CLNS1A: variants seen among roughly 807,000 people sequenced by gnomAD.
CLNS1A encodes the protein methylosome subunit pICln.
A neutral mutation model predicts 29.4 loss-of-function variants in CLNS1A; 16 were observed. The observed-to-expected ratio is 0.54, with a 90% CI of 0.37 to 0.83. The LOEUF is 0.83. Among genes scored for constraint, CLNS1A ranks in the 40% least tolerant of loss-of-function variants. The pLI, the probability that CLNS1A is intolerant of heterozygous loss-of-function variation, is 0.00. For missense variants in CLNS1A, 235 were observed against 287.4 expected (o/e 0.82, Z 1.32); for synonymous variants, 96 against 104.8 (o/e 0.92, Z 0.51).
intron 6 of CLNS1A, among the ~76,000 whole-genome samples, chr11:77,617,309 C>T (rs111536183): frequency 3.0e-5 from 4 of 132,306 alleles, no homozygotes; most frequent in African/African-American, 1.2e-4. Flanking sequence ...GCGGAGGATT[C>T]GGTGAGCCGA....
intron 5 of CLNS1A, among the ~76,000 whole-genome samples, chr11:77,621,067 C>T (rs1460062548): frequency 2.0e-5 from 3 of 151,476 alleles, no homozygotes; most frequent in Middle Eastern, 3.5e-3. Context: ...GAGGCTGAGG[C>T]GGGCGGATCA....
chr11:77,625,104 T>A, intron 3 of CLNS1A, 34 bp from the exon 4 acceptor site: 1 of 1,477,854 alleles, frequency 6.8e-7, no homozygotes, highest in East Asian at 2.3e-5. Context: ...ACCAATCTTT[T>A]TTTGTAATAA....
At position 77,619,641 on chromosome 11, in the gene CLNS1A, T is replaced by G. The variant is rs760048324; in HGVS notation, c.701A>C (p.Asp234Ala). 1 of 1,613,686 alleles carries G rather than the reference T, an allele frequency of 6.2e-7. No homozygotes were observed. The highest frequency in any genetic ancestry group is 8.5e-7 in the Non-Finnish European group (1 of 1,179,616). Residue 234 changes from aspartate (D) to alanine (A), a missense_variant, in exon 6 of 7, where the codon GAT (aspartate) becomes GCT (alanine). By Grantham distance (126) the Asp-to-Ala change is moderately radical. Coordinates refer to ENST00000525428, the MANE Select transcript of CLNS1A (RefSeq NM_001293.3). ...CATAAATCATTTTCAGTGATCAACA[T>G]CTGCATCCTCAAACTGTCCAGCAAC... ...PTVAGQFEDA[D>A]VDH
chr11:77,627,329 C>T (rs1268225254), intron 2 of CLNS1A, among the ~76,000 whole-genome samples: 1 of 150,792 alleles, frequency 6.6e-6, no homozygotes, highest in Non-Finnish European at 1.5e-5. Context: ...GTCCCAGCTA[C>T]TCGGGAGGCT....
In CLNS1A at chr11:77,619,701, C is replaced by CA. The variant is rs1307179519; in HGVS notation, c.647-7dup. ...GGTATCCACCTCCATCCCATCTAAA[C>CA]AAAAAAATTAATTACTGAGCAATCC... is the stretch of plus-strand genomic sequence containing the variant. On this transcript the variant is annotated splice_polypyrimidine_tract_variant and splice_region_variant and intron_variant, in intron 5 of 6. Coordinates refer to ENST00000525428, the MANE Select transcript of CLNS1A (RefSeq NM_001293.3). 2.5e-6 allele frequency: 4 copies of CA among 1,608,626 alleles called. No homozygotes were observed. In the African/African-American group the frequency reaches 5.3e-5, roughly 22 times the overall value.
intron 6 of CLNS1A, 61 bp downstream of exon 6, chr11:77,619,545 G>C (rs1289575949): frequency 1.8e-6 from 2 of 1,123,734 alleles, no homozygotes; most frequent in African/African-American, 3.1e-5. Context: ...TTAAAAAGTA[G>C]AAAGTAATCA....
intron 3 of CLNS1A, 77 bp downstream of exon 3, chr11:77,625,640 T>C: frequency 8.7e-7 from 1 of 1,153,152 alleles, no homozygotes; most frequent in East Asian, 2.5e-5. Context: ...GGTGTGTGTG[T>C]GTGTGTATGT....
intron 4 of CLNS1A, 82 bp from the exon 5 acceptor site, chr11:77,622,755 C>T (rs1958975204): frequency 9.0e-7 from 1 of 1,113,124 alleles, no homozygotes; most frequent in South Asian, 1.8e-5. Context: ...TGCCGCCAGC[C>T]TGGCCAACAT....
intron 1 of CLNS1A, among the ~76,000 whole-genome samples, chr11:77,636,287 C>G (rs1345000827): frequency 6.6e-6 from 1 of 152,036 alleles, no homozygotes; most frequent in Non-Finnish European, 1.5e-5. Context: ...AGGCTGATCT[C>G]AAACTCCTGG....
At chr11:77,632,449 A>G (rs1959083969) in intron 1 of CLNS1A, among the ~76,000 whole-genome samples, 1 of 152,184 alleles carries the variant, frequency 6.6e-6, no homozygotes, top group African/African-American at 2.4e-5. Flanking sequence ...CACTTTTAAA[A>G]GCCATCATAA....
At chr11:77,621,403 C>CA (rs1958956999) in intron 5 of CLNS1A, among the ~76,000 whole-genome samples, 1 of 152,126 alleles carries the variant, frequency 6.6e-6, no homozygotes, top group African/African-American at 2.4e-5. Flanking sequence ...AAATGCATCT[C>CA]AGAATTATAT....
chr11:77,623,142 C>A (rs1958980595), intron 4 of CLNS1A, among the ~76,000 whole-genome samples: 1 of 151,974 alleles, frequency 6.6e-6, no homozygotes. Flanking sequence ...CCCAAAGAAT[C>A]CCAAGTCCAG....
chr11:77,627,013 G>A (rs1357737903), intron 2 of CLNS1A, among the ~76,000 whole-genome samples: 4 of 150,658 alleles, frequency 2.7e-5, no homozygotes, highest in African/African-American at 9.7e-5. Context: ...CATTTTTAAA[G>A]AGACTTACAG....
At chr11:77,636,102 ACT>A (rs1466808410) in intron 1 of CLNS1A, among the ~76,000 whole-genome samples, 1 of 151,272 alleles carries the variant, frequency 6.6e-6, no homozygotes, top group East Asian at 1.9e-4. Flanking sequence ...ACAGGGTCTC[ACT>A]CTGTCATGCA....
intron 2 of CLNS1A, among the ~76,000 whole-genome samples, chr11:77,627,294 C>T (rs959989289): frequency 4.4e-4 from 67 of 151,002 alleles, no homozygotes; most frequent in South Asian, 2.1e-3. Context: ...AAAAAATTAG[C>T]GGGGCGTGGT....
intron 4 of CLNS1A, among the ~76,000 whole-genome samples, chr11:77,624,392 T>C (rs1958993983): frequency 6.6e-6 from 1 of 152,192 alleles, no homozygotes; most frequent in Non-Finnish European, 1.5e-5. Flanking sequence ...CTTCCCTATC[T>C]ACCATTTTCT....
intron 6 of CLNS1A, 36 bp from the exon 7 acceptor site, chr11:77,616,731 G>A (rs1284356554): frequency 6.6e-6 from 1 of 152,282 alleles, no homozygotes; most frequent in Non-Finnish European, 1.5e-5. Flanking sequence ...TTACAGTAGT[G>A]ATAATAATAA....
chr11:77,626,941 C>T (rs1304402137), intron 2 of CLNS1A, among the ~76,000 whole-genome samples: 5 of 150,300 alleles, frequency 3.3e-5, no homozygotes, highest in East Asian at 4.1e-4. Context: ...GTGATCCGCC[C>T]GCCTCAGCCT....
intron 2 of CLNS1A, among the ~76,000 whole-genome samples, 198 bp from the exon 3 acceptor site, chr11:77,626,016 C>G (rs565534389): frequency 6.6e-6 from 1 of 152,168 alleles, no homozygotes; most frequent in Non-Finnish European, 1.5e-5. Flanking sequence ...TCGAGATCCA[C>G]GCACCTTGGC....
Sources: gnomAD v4.1 joint callset for allele counts (sites outside exome capture counted in the v4.1 genomes callset) on GRCh38, gnomAD v4.1.1 for gene constraint, MANE v1.5 for transcripts, NCBI Gene and HGNC (gene_info 2026-07-23, HGNC 2026-07-21) for gene names.